The following GPHB5 variants were observed in gnomAD, a reference collection of about 807,000 sequenced individuals.
The protein encoded by GPHB5 is glycoprotein hormone beta-5.
A neutral mutation model predicts 10.1 loss-of-function variants in GPHB5; 7 were observed. That is an observed-to-expected ratio of 0.69 (90% CI 0.39 to 1.30). The LOEUF is 1.30. Among genes scored for constraint, GPHB5 ranks in the 50% most tolerant of loss-of-function variants. GPHB5 has a pLI of 0.01. For missense variants in GPHB5, 161 were observed against 169.8 expected, an observed-to-expected ratio of 0.95 and a Z score of 0.29; for synonymous variants, 68 against 70.1, an observed-to-expected ratio of 0.97 and a Z score of 0.15.
intron 1 of GPHB5, among the ~76,000 whole-genome samples, 192 bp from the exon 2 acceptor site, chr14:63,318,042 GATT>G (rs2139685091): frequency 6.6e-6 from 1 of 152,318 alleles, no homozygotes; most frequent in Admixed American, 6.5e-5. Flanking sequence ...TGCCAGTGTG[GATT>G]CCATGGCCCT....
intron 2 of GPHB5, among the ~76,000 whole-genome samples, chr14:63,315,206 C>T (rs769516697): frequency 2.0e-5 from 3 of 152,120 alleles, no homozygotes; most frequent in South Asian, 2.1e-4. Flanking sequence ...TTAGCCACCA[C>T]GCCCGGCCAG....
chr14:63,318,546 G>A (rs61994976), intron 1 of GPHB5, among the ~76,000 whole-genome samples: 2 of 152,178 alleles, frequency 1.3e-5, no homozygotes. Flanking sequence ...AAGCATAGGA[G>A]TTATTTAAAA....
At chr14:63,317,994 A>C (rs1882803668) in intron 1 of GPHB5, 144 bp from the exon 2 acceptor site, 2 of 692,776 alleles carry the variant, frequency 2.9e-6, no homozygotes, top group East Asian at 5.5e-5. Flanking sequence ...AAATGCCCAC[A>C]AACTCCAACA....
At position 63,317,671 on chromosome 14, in the gene GPHB5, C is replaced by T; in HGVS notation, c.179G>A (p.Cys60Tyr). Residue 60 changes from cysteine (C) to tyrosine (Y), a missense_variant, in exon 2 of 3, where the codon TGC (cysteine) becomes TAC (tyrosine). Coordinates refer to ENST00000621500, the MANE Select transcript of GPHB5 (RefSeq NM_145171.4). ...CRGLRITTDA[C>Y]WGRCETWEKP... ...CTCCCAGGTCTCACAGCGACCCCAGCAGGCATCCGTGGTGATCCGAAGGCC... is the reference window on the plus strand; with the variant it reads ...CTCCCAGGTCTCACAGCGACCCCAGTAGGCATCCGTGGTGATCCGAAGGCC... 1 of 1,614,044 alleles carries T rather than the reference C, an allele frequency of 6.2e-7. No homozygotes were observed. The highest frequency in any genetic ancestry group is 1.3e-5 in the African/African-American group (1 of 75,058).
intron 2 of GPHB5, among the ~76,000 whole-genome samples, chr14:63,316,127 G>A (rs1882766292): frequency 1.3e-5 from 2 of 152,274 alleles, no homozygotes; most frequent in Non-Finnish European, 1.5e-5. Flanking sequence ...AGCAAAACCC[G>A]ATTTTCATTG....
rs1308615095 is a variant in GPHB5 at position 63,313,071 on chromosome 14, A to G, written c.250T>C (p.Cys84Arg). Residue 84 changes from cysteine (C) to arginine (R), a missense_variant, in exon 3 of 3, where the codon TGT becomes CGT. Cys to Arg is a radical substitution (Grantham distance 180). Coordinates refer to ENST00000621500, the MANE Select transcript of GPHB5 (RefSeq NM_145171.4). Reference sequence around the variant, plus strand: ...ACCTGTTTGGTCTCGTTGTAGGTACAGACTCGATGATGGGCTTCAATATAG... The same window carrying G: ...ACCTGTTTGGTCTCGTTGTAGGTACGGACTCGATGATGGGCTTCAATATAG... ...PPYIEAHHRV[C>R]TYNETKQVTV... 1.2e-6 allele frequency: 2 copies of G among 1,607,388 alleles called. No individual in the cohort carries two copies. Among genetic ancestry groups the G allele is most frequent in the Non-Finnish European group, 1.7e-6 (2 of 1,176,932 alleles).
At chr14:63,316,181 C>G (rs1026132888) in intron 2 of GPHB5, among the ~76,000 whole-genome samples, 2 of 152,236 alleles carry the variant, frequency 1.3e-5, no homozygotes, top group African/African-American at 4.8e-5. Context: ...AAGAAAACTA[C>G]TTTGATAGAG....
chr14:63,315,037 G>A (rs1035981144), intron 2 of GPHB5, among the ~76,000 whole-genome samples: 2 of 151,624 alleles, frequency 1.3e-5, no homozygotes, highest in Non-Finnish European at 2.9e-5. Flanking sequence ...CAAGTAGCTG[G>A]GACTACAGGT....
At chr14:63,317,913 C>A in intron 1 of GPHB5, 63 bp from the exon 2 acceptor site, 1 of 1,458,438 alleles carries the variant, frequency 6.9e-7, no homozygotes, top group Non-Finnish European at 9.5e-7. Flanking sequence ...ATGGCACAGC[C>A]AACCATGCAT....
At chr14:63,316,934 G>T (rs1181415828) in intron 2 of GPHB5, among the ~76,000 whole-genome samples, 1 of 152,178 alleles carries the variant, frequency 6.6e-6, no homozygotes, top group Non-Finnish European at 1.5e-5. Flanking sequence ...TGATCTGCTG[G>T]GGTGCTGAAT....
At chr14:63,313,770 T>C (rs1882717986) in intron 2 of GPHB5, among the ~76,000 whole-genome samples, 1 of 152,190 alleles carries the variant, frequency 6.6e-6, no homozygotes. Flanking sequence ...GGGTTTTTGT[T>C]AGAATGTCAC....
At chr14:63,316,425 A>C (rs537996579) in intron 2 of GPHB5, among the ~76,000 whole-genome samples, 108 of 152,346 alleles carry the variant, frequency 7.1e-4, no homozygotes, top group Non-Finnish European at 1.3e-3. Flanking sequence ...TGTGTATTGA[A>C]TGCCTTGTTC....
intron 2 of GPHB5, among the ~76,000 whole-genome samples, chr14:63,316,905 C>T (rs1048529000): frequency 2.0e-5 from 3 of 152,120 alleles, no homozygotes; most frequent in Non-Finnish European, 2.9e-5. Context: ...GGGGAAGAGC[C>T]CACAGTCACT....
chr14:63,313,210 T>C (rs764883142), intron 2 of GPHB5, 94 bp from the exon 3 acceptor site: 19 of 1,133,444 alleles, frequency 1.7e-5, no homozygotes, highest in Non-Finnish European at 2.2e-5. Flanking sequence ...AATTAACTTG[T>C]TATTCGTTGA....
chr14:63,314,631 C>A (rs1287455347), intron 2 of GPHB5, among the ~76,000 whole-genome samples: 2 of 152,066 alleles, frequency 1.3e-5, no homozygotes, highest in Non-Finnish European at 2.9e-5. Flanking sequence ...CCAGGATGGT[C>A]TCGATTTCCT....
intron 2 of GPHB5, among the ~76,000 whole-genome samples, chr14:63,315,413 T>TA (rs770518345): frequency 1.3e-5 from 2 of 152,230 alleles, no homozygotes; most frequent in African/African-American, 2.4e-5. Flanking sequence ...CAGACAGACT[T>TA]ACGCTAAAAA....
intron 2 of GPHB5, among the ~76,000 whole-genome samples, chr14:63,314,074 C>T (rs1321220390): frequency 1.3e-5 from 2 of 152,242 alleles, no homozygotes; most frequent in East Asian, 1.9e-4. Flanking sequence ...GACAGGTTCC[C>T]GAATACTCTG....
intron 2 of GPHB5, among the ~76,000 whole-genome samples, chr14:63,316,983 G>A (rs1465153307): frequency 6.6e-6 from 1 of 152,202 alleles, no homozygotes; most frequent in African/African-American, 2.4e-5. Context: ...GCTCCTCTTA[G>A]CCCAATAGGA....
rs1332025383 is a variant in GPHB5, at chr14:63,312,950, G to A, written c.371C>T (p.Thr124Ile). The A allele has an allele frequency of 6.4e-7, 1 of 1,553,572 alleles. No homozygotes were observed. Among genetic ancestry groups the A allele is most frequent in the South Asian group, 1.2e-5 (1 of 84,148 alleles). Residue 124 changes from threonine to isoleucine, a missense_variant, in exon 3 of 3, where the codon ACC (threonine) becomes ATC (isoleucine). Thr to Ile is a moderately conservative substitution (Grantham distance 89). Coordinates refer to ENST00000621500, the MANE Select transcript of GPHB5 (RefSeq NM_145171.4). ...GCCTCAGATGGTCTCACACTCCGTG[G>A]TGGCAGTGGAGCAGGCTCCGCAGTC... is the stretch of plus-strand genomic sequence containing the variant. ...RCDCGACSTATTECETI is the reference protein window; with the variant it reads ...RCDCGACSTAITECETI
Sources: allele counts gnomAD v4.1 joint callset (sites outside exome capture counted in the v4.1 genomes callset), GRCh38; gene constraint gnomAD v4.1.1; transcripts MANE v1.5; gene names NCBI Gene and HGNC (gene_info 2026-07-23, HGNC 2026-07-21).